USH2A: variants seen among roughly 807,000 people sequenced by gnomAD.
USH2A encodes the protein Usher syndrome 2A (autosomal recessive, mild).
A neutral mutation model predicts 538.9 loss-of-function variants in USH2A; 443 were observed. The observed-to-expected ratio is 0.82, with a 90% CI of 0.76 to 0.89. The LOEUF (loss-of-function observed/expected upper bound fraction) is 0.89. Among genes scored for constraint, USH2A ranks in the 40% least tolerant of loss-of-function variants. The pLI is 0.00. For missense variants in USH2A, 6,633 were observed against 6,324.8 expected, an observed-to-expected ratio of 1.05 and a Z score of -1.65; for synonymous variants, 2,413 against 2,273.5, an observed-to-expected ratio of 1.06 and a Z score of -1.75.
At chr1:215,953,326 C>A (rs1228456199) in intron 37 of USH2A, among the ~76,000 whole-genome samples, 3 of 152,192 alleles carry the variant, frequency 2.0e-5, no homozygotes, top group African/African-American at 7.2e-5. Flanking sequence ...GACTACAAGG[C>A]TACAGTAACC....
At chr1:215,662,381 C>G (rs1240203865) in intron 64 of USH2A, among the ~76,000 whole-genome samples, 1 of 152,202 alleles carries the variant, frequency 6.6e-6, no homozygotes. Flanking sequence ...GTTGCATCTG[C>G]AAGAGGGTGA....
intron 11 of USH2A, among the ~76,000 whole-genome samples, chr1:216,257,929 T>A (rs2036290289): frequency 6.6e-6 from 1 of 152,098 alleles, no homozygotes; most frequent in Non-Finnish European, 1.5e-5. Flanking sequence ...ACCTTCCATA[T>A]TTTTATGTAG....
At chr1:215,754,243 T>C (rs763761990) in intron 58 of USH2A, among the ~76,000 whole-genome samples, 1 of 152,170 alleles carries the variant, frequency 6.6e-6, no homozygotes, top group Non-Finnish European at 1.5e-5. Flanking sequence ...CACCAAGTAA[T>C]ATGAACGTAT....
At chr1:215,842,637 A>G (rs1663714821) in intron 46 of USH2A, among the ~76,000 whole-genome samples, 1 of 152,046 alleles carries the variant, frequency 6.6e-6, no homozygotes, top group Admixed American at 6.6e-5. Flanking sequence ...CATAAAAAGG[A>G]ATGAGATCAT....
In USH2A at chr1:215,798,920, G is replaced by T. The variant is rs1161652737; in HGVS notation, c.9945C>A (p.Tyr3315Ter). 1 of 1,614,018 alleles carries T rather than the reference G, an allele frequency of 6.2e-7. No homozygotes were observed. The highest frequency in any genetic ancestry group is 1.1e-5 in the South Asian group (1 of 91,078). ...TGGGCCCCTTACCTGGAAGGCGATT[G>T]TACACCACTCCTTCTTCTCCACCAC... ...ECCGGEEGVV[Y>*]NRLPGMFCCG... Residue 3315 changes from tyrosine to a stop codon, truncating the protein, a stop_gained, in exon 50 of 72, where the codon TAC (tyrosine) becomes TAA (stop). Coordinates refer to ENST00000307340, the MANE Select transcript of USH2A (RefSeq NM_206933.4). LOFTEE classifies it high-confidence loss of function.
At chr1:216,185,015 TAAACTA>T (rs2034570481) in intron 20 of USH2A, among the ~76,000 whole-genome samples, 1 of 151,986 alleles carries the variant, frequency 6.6e-6, no homozygotes, top group Non-Finnish European at 1.5e-5. Context: ...AAGAAGGGTT[TAAACTA>T]AACTCAATTT....
intron 9 of USH2A, among the ~76,000 whole-genome samples, chr1:216,317,047 C>A (rs962604044): frequency 3.1e-4 from 47 of 152,042 alleles, no homozygotes; most frequent in African/African-American, 1.0e-3. Flanking sequence ...TTCACTCTGA[C>A]CATAGTTTCT....
intron 4 of USH2A, among the ~76,000 whole-genome samples, chr1:216,360,590 G>A (rs2038473103): frequency 6.6e-6 from 1 of 151,946 alleles, no homozygotes; most frequent in African/African-American, 2.4e-5. Flanking sequence ...ACCATATACC[G>A]CTCTGGTGAG....
At chr1:215,830,453 AT>A (rs140564000) in intron 47 of USH2A, among the ~76,000 whole-genome samples, 3,482 of 151,434 alleles carry the variant, frequency 0.023, 63 homozygotes, top group Non-Finnish European at 0.037. Flanking sequence ...AGTCCTTGTT[AT>A]TTTTTTTTCT....
In USH2A at chr1:216,422,549, C is replaced by T. The variant is rs918613971; in HGVS notation, c.-204-9G>A. On this transcript the variant is annotated splice_polypyrimidine_tract_variant and intron_variant, in intron 1 of 71. Coordinates refer to ENST00000307340, the MANE Select transcript of USH2A (RefSeq NM_206933.4). ...TGAGTAGCTGCTGGTATCTGGGAAT[C>T]AAAAACGTAGGGCGTCAAGGGAAAG... The T allele has an allele frequency of 9.7e-6, 6 of 619,128 alleles. No individual in the cohort carries two copies. Among genetic ancestry groups the T allele is most frequent in the Admixed American group, 3.1e-5 (1 of 32,724 alleles). 38.4% of individuals were successfully genotyped at this position (619,128 alleles called of 1,614,324 possible).
intron 7 of USH2A, 67 bp downstream of exon 7, chr1:216,324,101 C>A: frequency 6.5e-7 from 1 of 1,540,104 alleles, no homozygotes; most frequent in South Asian, 1.2e-5. Context: ...GCCTAGAGAG[C>A]TAGCATACTT....
intron 21 of USH2A, among the ~76,000 whole-genome samples, chr1:216,127,223 A>G (rs948509882): frequency 6.6e-6 from 1 of 152,236 alleles, no homozygotes; most frequent in African/African-American, 2.4e-5. Context: ...AATGTAAGCT[A>G]TGCTCAAGTT....
At chr1:215,777,128 T>A (rs1407945001) in intron 55 of USH2A, among the ~76,000 whole-genome samples, 1 of 152,202 alleles carries the variant, frequency 6.6e-6, no homozygotes, top group Non-Finnish European at 1.5e-5. Flanking sequence ...GATTTTTTAC[T>A]GTTAAGTAAA....
At chr1:216,404,186 T>G (rs535380567) in intron 3 of USH2A, among the ~76,000 whole-genome samples, 1 of 152,246 alleles carries the variant, frequency 6.6e-6, no homozygotes, top group East Asian at 1.9e-4. Flanking sequence ...GTTTATATAT[T>G]AGAGGACTCA....
At chr1:216,334,683 G>A (rs1434051566) in intron 4 of USH2A, among the ~76,000 whole-genome samples, 1 of 151,888 alleles carries the variant, frequency 6.6e-6, no homozygotes, top group Non-Finnish European at 1.5e-5. Context: ...GAGCTCCTAT[G>A]CTAACATCAG....
chr1:216,028,997 T>C (rs777257317), intron 32 of USH2A, among the ~76,000 whole-genome samples: 10 of 152,248 alleles, frequency 6.6e-5, no homozygotes, highest in South Asian at 6.2e-4. Context: ...TAGATAAAAT[T>C]GTGGACAATT....
At chr1:215,647,077 C>G (rs1351389788) in intron 67 of USH2A, among the ~76,000 whole-genome samples, 1 of 152,106 alleles carries the variant, frequency 6.6e-6, no homozygotes, top group Non-Finnish European at 1.5e-5. Flanking sequence ...GTAAGGAAGC[C>G]CCCAATTAAT....
At chr1:215,985,717 C>T (rs2102470461) in intron 35 of USH2A, among the ~76,000 whole-genome samples, 1 of 152,148 alleles carries the variant, frequency 6.6e-6, no homozygotes, top group African/African-American at 2.4e-5. Flanking sequence ...CATGTGCATA[C>T]ATTATGAAAA....
rs1001864329 is a variant in USH2A, at chr1:215,997,090, T to C, written c.6657+1797A>G. Among the ~76,000 whole-genome samples the C allele has an allele frequency of 3.3e-5, 5 of 152,178 alleles. No individual in the cohort carries two copies. In the East Asian group the frequency reaches 7.7e-4, roughly 23 times the overall value. ...GTTATTATATTGAAACTGTGAAATA[T>C]ACAATAATCCCTCAATTAACCAGGA... On this transcript the variant is annotated intron_variant, in intron 34 of 71. Coordinates refer to ENST00000307340, the MANE Select transcript of USH2A (RefSeq NM_206933.4).
Sources: gnomAD v4.1 joint callset for allele counts (sites outside exome capture counted in the v4.1 genomes callset) on GRCh38, gnomAD v4.1.1 for gene constraint, MANE v1.5 for transcripts, NCBI Gene and HGNC (gene_info 2026-07-23, HGNC 2026-07-21) for gene names.